The following CDH2 variants were observed in gnomAD, a reference collection of about 807,000 sequenced individuals.
CDH2 encodes cadherin 2.
CDH2 carries 17 observed loss-of-function variants against 92.0 expected under a neutral mutation model. The observed-to-expected ratio is 0.18, with a 90% CI of 0.13 to 0.28. The LOEUF (loss-of-function observed/expected upper bound fraction) is 0.28, where lower values mean the gene tolerates loss of function less well. CDH2 is among the 10% of genes least tolerant of loss of function. CDH2 has a pLI of 1.00. For synonymous variants in CDH2, 419 were observed against 415.9 expected (o/e 1.01, Z -0.09); for missense variants, 862 against 1,133.1 (o/e 0.76, Z 3.44).
intron 2 of CDH2, among the ~76,000 whole-genome samples, chr18:28,084,794 T>C (rs2014896393): frequency 6.6e-6 from 1 of 152,162 alleles, no homozygotes; most frequent in African/African-American, 2.4e-5. Flanking sequence ...GGGAAAATTG[T>C]GCTGTGCTTC....
At chr18:28,007,985 T>C (rs2012988952) in intron 5 of CDH2, among the ~76,000 whole-genome samples, 1 of 152,082 alleles carries the variant, frequency 6.6e-6, no homozygotes, top group Non-Finnish European at 1.5e-5. Context: ...CCACCAGCCT[T>C]GGCCTCCCAA....
intron 2 of CDH2, among the ~76,000 whole-genome samples, chr18:28,052,007 A>G (rs1183894914): frequency 6.6e-6 from 1 of 152,166 alleles, no homozygotes; most frequent in Non-Finnish European, 1.5e-5. Flanking sequence ...ACCAGATCCC[A>G]TTTGTATGCA....
intron 2 of CDH2, among the ~76,000 whole-genome samples, chr18:28,114,072 TAG>T (rs1347749166): frequency 6.6e-6 from 1 of 151,842 alleles, no homozygotes; most frequent in Non-Finnish European, 1.5e-5. Context: ...GAGGGAGGGA[TAG>T]AGAGAGATTT....
chr18:28,053,549 A>G (rs1696624144), intron 2 of CDH2, among the ~76,000 whole-genome samples: 1 of 152,164 alleles, frequency 6.6e-6, no homozygotes, highest in African/African-American at 2.4e-5. Context: ...TTGGTTAGTT[A>G]CAGCAGCTGA....
chr18:28,095,870 T>C (rs1183981452), intron 2 of CDH2, among the ~76,000 whole-genome samples: 1 of 141,616 alleles, frequency 7.1e-6, no homozygotes, highest in Non-Finnish European at 1.5e-5. Flanking sequence ...AGTTCCTCAA[T>C]GGAAATGGAG....
At chr18:27,976,091 C>T (rs1198692042) in intron 14 of CDH2, among the ~76,000 whole-genome samples, 1 of 152,126 alleles carries the variant, frequency 6.6e-6, no homozygotes, top group African/African-American at 2.4e-5. Context: ...TCAGAAGGAA[C>T]CAATCATGAG....
chr18:28,108,310 G>A (rs1451517871), intron 2 of CDH2, among the ~76,000 whole-genome samples: 1 of 152,130 alleles, frequency 6.6e-6, no homozygotes, highest in Non-Finnish European at 1.5e-5. Flanking sequence ...AAACTACTAT[G>A]AGAAACATTC....
intron 2 of CDH2, among the ~76,000 whole-genome samples, chr18:28,107,374 G>A (rs1449511577): frequency 6.6e-6 from 1 of 152,076 alleles, no homozygotes; most frequent in Non-Finnish European, 1.5e-5. Flanking sequence ...AGAATATGGA[G>A]TGTATGACGG....
chr18:27,989,381 G>T (rs1191220236), intron 10 of CDH2, among the ~76,000 whole-genome samples: 14 of 152,146 alleles, frequency 9.2e-5, no homozygotes, highest in African/African-American at 2.4e-5. Context: ...CTATTAACTG[G>T]CTATTTATTA....
rs1723888889 is a variant in CDH2 at position 27,951,013 on chromosome 18, T to G, written c.*1140A>C. ...ATTCAGAACGCTGGGGTCAGAGGTG[T>G]ATCATTTATATTCTGGTACACAATA... On this transcript the variant is annotated 3_prime_UTR_variant, in exon 16 of 16. Coordinates refer to ENST00000269141, the MANE Select transcript of CDH2 (RefSeq NM_001792.5). The G allele has an allele frequency of 6.6e-6, 1 of 152,422 alleles. No individual in the cohort carries two copies. The highest frequency in any genetic ancestry group is 2.4e-5 in the African/African-American group (1 of 41,414). The allele number at this position is 152,422 out of a possible 1,614,324, so 9.4% of individuals were successfully genotyped here. A position where few individuals can be genotyped will look rare whatever the true frequency, so the allele number is the denominator to read the frequency against.
At chr18:28,122,104 C>G (rs1377574740) in intron 2 of CDH2, among the ~76,000 whole-genome samples, 1 of 152,094 alleles carries the variant, frequency 6.6e-6, no homozygotes, top group Non-Finnish European at 1.5e-5. Context: ...GCTCCTTTCT[C>G]TTCCTGGTAC....
intron 6 of CDH2, among the ~76,000 whole-genome samples, chr18:27,943,260 ATAAG>A (rs975892006): frequency 3.3e-5 from 5 of 152,158 alleles, no homozygotes; most frequent in African/African-American, 1.2e-4. Flanking sequence ...TCTTCTAGAG[ATAAG>A]TAAGTGTGAG....
chr18:28,147,660 T>C lies in CDH2; in HGVS notation c.172+13A>G, dbSNP rs1240353260. On this transcript the variant is annotated intron_variant, in intron 2 of 15. Transcript: ENST00000269141. The stretch of plus-strand genomic sequence containing the variant: ...GGACACTGCATGTACAAATATATCT[T>C]TTGAGATAGTACCATTGAGAAGAGG... The C allele has an allele frequency of 6.7e-7, 1 of 1,499,706 alleles. No homozygotes were observed. The highest frequency in any genetic ancestry group is 2.3e-5 in the East Asian group (1 of 44,292). The allele number at this position is 1,499,706 out of a possible 1,614,324, so 92.9% of individuals were successfully genotyped here.
chr18:27,941,552 G>A (rs760332522), intron 6 of CDH2, among the ~76,000 whole-genome samples: 5 of 152,120 alleles, frequency 3.3e-5, no homozygotes, highest in Non-Finnish European at 7.3e-5. Flanking sequence ...AAAGCAATTA[G>A]ATATATTTGC....
At chr18:28,155,425 CT>C (rs1183860284) in intron 1 of CDH2, among the ~76,000 whole-genome samples, 1 of 152,166 alleles carries the variant, frequency 6.6e-6, no homozygotes, top group East Asian at 1.9e-4. Flanking sequence ...TCTCTTTGTT[CT>C]GTAAGTAACT....
At chr18:28,051,575 TA>T (rs920595929) in intron 2 of CDH2, among the ~76,000 whole-genome samples, 1 of 152,166 alleles carries the variant, frequency 6.6e-6, no homozygotes, top group African/African-American at 2.4e-5. Context: ...AAAATTAAGA[TA>T]TTAAATGTCA....
intron 2 of CDH2, among the ~76,000 whole-genome samples, chr18:28,087,371 G>T (rs1178633135): frequency 6.6e-6 from 1 of 152,164 alleles, no homozygotes; most frequent in Non-Finnish European, 1.5e-5. Flanking sequence ...GTTCTAACGG[G>T]AGCAGTAACC....
chr18:28,054,886 T>A (rs933847656), intron 2 of CDH2, among the ~76,000 whole-genome samples: 7 of 152,188 alleles, frequency 4.6e-5, no homozygotes, highest in Non-Finnish European at 1.0e-4. Context: ...ATTTATGGCA[T>A]AAGGATTATT....
intron 1 of CDH2, among the ~76,000 whole-genome samples, chr18:28,148,496 T>C (rs1715650512): frequency 6.6e-6 from 1 of 152,240 alleles, no homozygotes; most frequent in Non-Finnish European, 1.5e-5. Context: ...TACTACTGTC[T>C]AGCTAACCCT....
Sources: gnomAD v4.1 joint callset for allele counts (sites outside exome capture counted in the v4.1 genomes callset) on GRCh38, gnomAD v4.1.1 for gene constraint, MANE v1.5 for transcripts, NCBI Gene and HGNC (gene_info 2026-07-23, HGNC 2026-07-21) for gene names.